Variants in SH3GL3 observed in about 807,000 individuals in gnomAD.
SH3GL3 encodes the protein SH3 domain containing GRB2 like 3, endophilin A3.
In SH3GL3, 33 loss-of-function variants were observed where a neutral mutation model predicts 47.7. That is an observed-to-expected ratio of 0.69 (90% CI 0.52 to 0.92). The LOEUF (loss-of-function observed/expected upper bound fraction) is 0.92. Among genes scored for constraint, SH3GL3 ranks in the 40% least tolerant of loss-of-function variants. The pLI is 0.00. For missense variants in SH3GL3, 363 were observed against 417.8 expected (o/e 0.87, Z 1.14); for synonymous variants, 155 against 148.8 (o/e 1.04, Z -0.30).
At chr15:83,611,108 A>T (rs1361277404) in intron 8 of SH3GL3, among the ~76,000 whole-genome samples, 1 of 151,850 alleles carries the variant, frequency 6.6e-6, no homozygotes, top group Non-Finnish European at 1.5e-5. Flanking sequence ...TCCTGCTGTT[A>T]AAATAAGAGG....
intron 3 of SH3GL3, among the ~76,000 whole-genome samples, chr15:83,566,365 A>AGAGAGAGAGT (rs1459069703): frequency 7.3e-6 from 1 of 136,626 alleles, no homozygotes; most frequent in African/African-American, 2.7e-5. Flanking sequence ...AGAGAGAGAG[A>AGAGAGAGAGT]GTGTGTGTGT....
chr15:83,622,326 A>G (rs565958649), downstream of SH3GL3, among the ~76,000 whole-genome samples: 11 of 152,194 alleles, frequency 7.2e-5, no homozygotes, highest in Non-Finnish European at 1.0e-4. Flanking sequence ...GTTCATGTAT[A>G]TTCACAAAGC....
intron 1 of SH3GL3, among the ~76,000 whole-genome samples, chr15:83,482,942 G>A (rs1482946551): frequency 6.6e-6 from 1 of 152,074 alleles, no homozygotes; most frequent in Admixed American, 6.5e-5. Flanking sequence ...ATCTCAATTT[G>A]TCCTTCTTCC....
At chr15:83,630,140 C>T in the SH3GL3 span, among the ~76,000 whole-genome samples, 9 of 152,296 alleles carry the variant, frequency 5.9e-5, no homozygotes, top group South Asian at 8.3e-4. Flanking sequence ...TCCTGATTTG[C>T]GTTCCGCCGT....
intron 6 of SH3GL3, among the ~76,000 whole-genome samples, chr15:83,581,817 CT>C (rs2059835240): frequency 6.6e-6 from 1 of 152,182 alleles, no homozygotes; most frequent in Non-Finnish European, 1.5e-5. Flanking sequence ...ACACTGTAGC[CT>C]TTGGTTGTCT....
chr15:83,540,315 G>T (rs1179516934), intron 1 of SH3GL3, among the ~76,000 whole-genome samples: 1 of 152,100 alleles, frequency 6.6e-6, no homozygotes, highest in Non-Finnish European at 1.5e-5. Flanking sequence ...GATGGTTCAA[G>T]TCATGTTAAT....
intron 1 of SH3GL3, among the ~76,000 whole-genome samples, chr15:83,486,304 G>T (rs1036228745): frequency 6.6e-6 from 1 of 152,122 alleles, no homozygotes; most frequent in Non-Finnish European, 1.5e-5. Flanking sequence ...GCATTTAGTA[G>T]TCACAGTGTT....
intron 1 of SH3GL3, among the ~76,000 whole-genome samples, chr15:83,457,801 A>G (rs1031757440): frequency 1.3e-5 from 2 of 152,224 alleles, no homozygotes; most frequent in Non-Finnish European, 2.9e-5. Context: ...GATGTTTAAA[A>G]TGGATTGATT....
At chr15:83,602,335 A>G (rs2060408038) in intron 8 of SH3GL3, among the ~76,000 whole-genome samples, 1 of 152,160 alleles carries the variant, frequency 6.6e-6, no homozygotes, top group Non-Finnish European at 1.5e-5. Flanking sequence ...CTGCTGTAAC[A>G]AAATACCTTA....
At chr15:83,449,521 A>C (rs529566560) in intron 1 of SH3GL3, among the ~76,000 whole-genome samples, 20 of 152,370 alleles carry the variant, frequency 1.3e-4, no homozygotes, top group African/African-American at 4.3e-4. Context: ...CAAATCTCAA[A>C]GATAAGCAAA....
chr15:83,622,850 G>A (rs767081425), downstream of SH3GL3, among the ~76,000 whole-genome samples: 2 of 152,196 alleles, frequency 1.3e-5, no homozygotes, highest in Non-Finnish European at 2.9e-5. Context: ...ACTTCTTCTG[G>A]CATCGCCTCT....
chr15:83,575,652 AAG>A (rs1249304179), intron 5 of SH3GL3, among the ~76,000 whole-genome samples: 1 of 152,174 alleles, frequency 6.6e-6, no homozygotes, highest in Non-Finnish European at 1.5e-5. Flanking sequence ...TCACAGAGCA[AAG>A]AGAGAGATGT....
intron 8 of SH3GL3, among the ~76,000 whole-genome samples, chr15:83,616,209 T>C (rs1252837932): frequency 6.6e-6 from 1 of 151,472 alleles, no homozygotes; most frequent in Non-Finnish European, 1.5e-5. Context: ...CAAAAGTAAT[T>C]GCAGGTTTTG....
chr15:83,517,600 A>C (rs755274681), intron 1 of SH3GL3, among the ~76,000 whole-genome samples: 1 of 152,136 alleles, frequency 6.6e-6, no homozygotes, highest in South Asian at 2.1e-4. Flanking sequence ...CTTGTTGTGA[A>C]AGGTCTGCCC....
intron 1 of SH3GL3, among the ~76,000 whole-genome samples, chr15:83,451,941 T>A (rs2039805067): frequency 1.9e-5 from 1 of 51,754 alleles, no homozygotes; most frequent in Non-Finnish European, 3.6e-5. Context: ...TGGTTTTAGG[T>A]CTAACGTTTA....
chr15:83,542,159 A>G (rs2044199092), intron 1 of SH3GL3, among the ~76,000 whole-genome samples: 1 of 152,210 alleles, frequency 6.6e-6, no homozygotes, highest in Admixed American at 6.5e-5. Context: ...GGTGAGAGAT[A>G]GGGATCTAGT....
the SH3GL3 span, among the ~76,000 whole-genome samples, chr15:83,628,300 T>G: frequency 5.3e-5 from 8 of 152,120 alleles, no homozygotes; most frequent in Admixed American, 3.3e-4. Flanking sequence ...ATATAACACT[T>G]CAGAGAAGAC....
At chr15:83,492,955 AG>A (rs1294538861) in intron 1 of SH3GL3, among the ~76,000 whole-genome samples, 1 of 152,260 alleles carries the variant, frequency 6.6e-6, no homozygotes, top group Non-Finnish European at 1.5e-5. Flanking sequence ...AAAGTAGGAC[AG>A]GGACAAATCA....
Position 83,568,620 on chromosome 15 carries a change from G to A in SH3GL3, c.279G>A (p.Leu93=), listed in dbSNP as rs1178990873. ...GATACCCGCAGACGGAAGGCTTGCT[G>A]GGGGACTGTATGCTGAAATACGGGA... ...TTGYPQTEGL[L]GDCMLKYGKE... The change falls in exon 4 of 9, where the codon CTG becomes CTA. Residue 93 remains leucine, a synonymous_variant. Transcript: ENST00000427482. 2 of 1,613,600 alleles carry A rather than the reference G, an allele frequency of 1.2e-6. No individual in the cohort carries two copies. The highest frequency in any genetic ancestry group is 1.7e-5 in the Admixed American group (1 of 60,002).
Sources: allele counts gnomAD v4.1 joint callset (sites outside exome capture counted in the v4.1 genomes callset), GRCh38; gene constraint gnomAD v4.1.1; transcripts MANE v1.5; gene names NCBI Gene and HGNC (gene_info 2026-07-23, HGNC 2026-07-21).